PLCG2: variants seen among roughly 807,000 people sequenced by gnomAD.
PLCG2 encodes phospholipase C gamma 2, also known as 1-phosphatidylinositol 4,5-bisphosphate phosphodiesterase gamma-2.
A neutral mutation model predicts 175.6 loss-of-function variants in PLCG2; 69 were observed. That is an observed-to-expected ratio of 0.39 (90% CI 0.32 to 0.48). The LOEUF (loss-of-function observed/expected upper bound fraction) is 0.48, where lower values mean the gene tolerates loss of function less well. Among genes scored for constraint, PLCG2 ranks in the 20% least tolerant of loss-of-function variants. The pLI is 0.91. For missense variants in PLCG2, 1,798 were observed against 1,650.9 expected (o/e 1.09, Z -1.54); for synonymous variants, 827 against 624.0 (o/e 1.33, Z -4.85).
At chr16:81,904,418 G>A (rs901878797) in intron 14 of PLCG2, among the ~76,000 whole-genome samples, 11 of 152,194 alleles carry the variant, frequency 7.2e-5, no homozygotes, top group African/African-American at 2.4e-4. Flanking sequence ...GCTTGCCTGC[G>A]TGGGAGTCCA....
intron 2 of PLCG2, among the ~76,000 whole-genome samples, chr16:81,828,399 G>T (rs557257157): frequency 1.3e-5 from 2 of 151,776 alleles, no homozygotes; most frequent in Non-Finnish European, 2.9e-5. Context: ...CACCACGCCC[G>T]GCTAATTTTT....
At chr16:81,935,588 G>A in intron 26 of PLCG2, 2 of 985,244 alleles carry the variant, frequency 2.0e-6, no homozygotes, top group Non-Finnish European at 2.4e-6. Context: ...TTACCGGGAG[G>A]CCAGTCCCTA....
chr16:81,818,148 G>C lies in PLCG2; in HGVS notation c.193+31966G>C, dbSNP rs115840182. Reference sequence around the variant, plus strand: ...TCTCGTGAGTATTCAGCCAGCTAGTGTGTTAAGCTCTTACTCCCGTTAGGA... The same window carrying C: ...TCTCGTGAGTATTCAGCCAGCTAGTCTGTTAAGCTCTTACTCCCGTTAGGA... On this transcript the variant is annotated intron_variant, in intron 2 of 32. Transcript: ENST00000564138. Among the ~76,000 whole-genome samples, 921 of 152,298 alleles carry C rather than the reference G, an allele frequency of 6.0e-3. 8 individuals are homozygous for C. The highest frequency in any genetic ancestry group is 0.022 in the African/African-American group (896 of 41,568).
chr16:81,748,750 A>C (rs1909751035), intron 1 of PLCG2, among the ~76,000 whole-genome samples: 1 of 152,200 alleles, frequency 6.6e-6, no homozygotes, highest in African/African-American at 2.4e-5. Flanking sequence ...GGTAAACCCA[A>C]ACAGAAGGAA....
chr16:81,928,571 A>G lies in PLCG2; in HGVS notation c.2528A>G (p.Asn843Ser), dbSNP rs767227331. Residue 843 changes from asparagine (N) to serine (S), a missense_variant, in exon 24 of 33, where the codon AAT (asparagine) becomes AGT (serine). Asn to Ser is a conservative substitution (Grantham distance 46). Transcript: ENST00000564138. ...EELEKQIIEDNPLGSLCRGIL... is the reference protein window; with the variant it reads ...EELEKQIIEDSPLGSLCRGIL... ...GTTTCTTCACAGATTATTGAAGACA[A>G]TCCCTTAGGGTCTCTTTGCAGAGGA... is the stretch of plus-strand genomic sequence containing the variant. The G allele has an allele frequency of 6.2e-7, 1 of 1,604,630 alleles. No homozygotes were observed. The highest frequency in any genetic ancestry group is 1.1e-5 in the South Asian group (1 of 90,886).
intron 13 of PLCG2, among the ~76,000 whole-genome samples, chr16:81,896,193 C>T (rs1169824447): frequency 6.6e-6 from 1 of 152,182 alleles, no homozygotes; most frequent in Non-Finnish European, 1.5e-5. Context: ...GTGCCCACCC[C>T]ACCTCCTCAT....
chr16:81,751,675 T>C (rs895197658), intron 1 of PLCG2, among the ~76,000 whole-genome samples: 4 of 152,164 alleles, frequency 2.6e-5, no homozygotes, highest in Admixed American at 6.5e-5. Context: ...TTAACTAGCT[T>C]TAATTATTCC....
intron 27 of PLCG2, among the ~76,000 whole-genome samples, 153 bp downstream of exon 27, chr16:81,936,531 G>A (rs984956544): frequency 6.6e-6 from 1 of 152,216 alleles, no homozygotes; most frequent in African/African-American, 2.4e-5. Context: ...TGGTTAGTAT[G>A]AGGTCCAGCA....
intron 9 of PLCG2, among the ~76,000 whole-genome samples, chr16:81,886,693 G>T (rs1207415893): frequency 2.0e-5 from 3 of 152,122 alleles, no homozygotes; most frequent in South Asian, 2.1e-4. Context: ...GCTCATGACT[G>T]GGACCACTTA....
rs1420384190 is a variant in PLCG2, at chr16:81,834,897, C to G, written c.194-19547C>G. 3.3e-5 allele frequency among the ~76,000 whole-genome samples: 5 copies of G among 152,284 alleles called. No individual in the cohort carries two copies. The East Asian group carries it at 9.6e-4, about 29-fold the overall frequency. Reference sequence around the variant, plus strand: ...TCCTCTTGGGTGGATGGGGAGGCAGCCTTGGTCCATTGTAGAACTGGGTAC... The same window carrying G: ...TCCTCTTGGGTGGATGGGGAGGCAGGCTTGGTCCATTGTAGAACTGGGTAC... On this transcript the variant is annotated intron_variant, in intron 2 of 32. Transcript: ENST00000564138.
intron 31 of PLCG2, among the ~76,000 whole-genome samples, chr16:81,954,290 G>C (rs913475631): frequency 6.6e-6 from 1 of 152,136 alleles, no homozygotes; most frequent in African/African-American, 2.4e-5. Context: ...CAAAGTGCTG[G>C]GGATTACATG....
chr16:81,873,435 A>G (rs902385346), intron 7 of PLCG2, among the ~76,000 whole-genome samples: 5 of 152,260 alleles, frequency 3.3e-5, no homozygotes, highest in African/African-American at 7.2e-5. Flanking sequence ...AGAACATGTC[A>G]TAGAATAATG....
chr16:81,903,931 G>C (rs1473929096), intron 14 of PLCG2, among the ~76,000 whole-genome samples: 2 of 152,156 alleles, frequency 1.3e-5, no homozygotes, highest in Non-Finnish European at 2.9e-5. Flanking sequence ...TGGCCACACG[G>C]TCACTTTGTA....
chr16:81,804,080 G>A (rs1911883410), intron 2 of PLCG2, among the ~76,000 whole-genome samples: 1 of 152,218 alleles, frequency 6.6e-6, no homozygotes, highest in South Asian at 2.1e-4. Context: ...CCTAAGAGTG[G>A]AATTCTAGGT....
At chr16:81,754,990 G>A (rs764575276) in intron 1 of PLCG2, among the ~76,000 whole-genome samples, 1 of 152,058 alleles carries the variant, frequency 6.6e-6, no homozygotes, top group Non-Finnish European at 1.5e-5. Context: ...GTGTCCTTAG[G>A]CAAATTGCTT....
At chr16:81,931,711 T>C in intron 25 of PLCG2, 57 bp downstream of exon 25, 1 of 1,541,208 alleles carries the variant, frequency 6.5e-7, no homozygotes, top group Non-Finnish European at 8.9e-7. Context: ...GCTTTGGTGC[T>C]CAGTTGGGAC....
chr16:81,805,595 C>T (rs1358806182), intron 2 of PLCG2, among the ~76,000 whole-genome samples: 4 of 151,284 alleles, frequency 2.6e-5, no homozygotes, highest in South Asian at 2.1e-4. Flanking sequence ...AAAAAGTGGG[C>T]GAAAGATCTG....
upstream of PLCG2, among the ~76,000 whole-genome samples, chr16:81,778,055 C>CAA (rs1425376634): frequency 1.8e-5 from 1 of 56,776 alleles, no homozygotes; most frequent in African/African-American, 8.3e-5. Context: ...AAAAAAAAAA[C>CAA]AAAAAAAACC....
intron 18 of PLCG2, 99 bp downstream of exon 18, chr16:81,910,819 G>A (rs1481666494): frequency 8.8e-7 from 1 of 1,135,788 alleles, no homozygotes; most frequent in Non-Finnish European, 1.3e-6. Flanking sequence ...AGTCCCCCAG[G>A]ACACCCTCTC....
Sources: gnomAD v4.1 joint callset for allele counts (sites outside exome capture counted in the v4.1 genomes callset) on GRCh38, gnomAD v4.1.1 for gene constraint, MANE v1.5 for transcripts, NCBI Gene and HGNC (gene_info 2026-07-23, HGNC 2026-07-21) for gene names.